RAB6A: variants seen among roughly 807,000 people sequenced by gnomAD.
The protein encoded by RAB6A is RAB6A, member RAS oncogene family.
Under a neutral mutation model 32.3 loss-of-function variants are expected in RAB6A, and 8 were observed. The observed-to-expected ratio is 0.25, with a 90% confidence interval of 0.15 to 0.45. The LOEUF is 0.45. RAB6A is among the 20% of genes least tolerant of loss of function. The pLI, the probability that RAB6A is intolerant of heterozygous loss-of-function variation, is 1.00. For synonymous variants in RAB6A, 73 were observed against 82.1 expected (o/e 0.89, Z 0.60); for missense variants, 104 against 249.4 (o/e 0.42, Z 3.93).
intron 1 of RAB6A, among the ~76,000 whole-genome samples, chr11:73,739,301 ATAT>A (rs1565374209): frequency 2.1e-5 from 2 of 95,452 alleles, no homozygotes; most frequent in African/African-American, 7.2e-5. Context: ...ATATATATAT[ATAT>A]AAATACTGGA....
chr11:73,707,305 T>C (rs1945862804), intron 6 of RAB6A, 115 bp downstream of exon 6: 1 of 673,788 alleles, frequency 1.5e-6, no homozygotes, highest in East Asian at 2.6e-5. Flanking sequence ...GAAAATATAC[T>C]GCTAGTTTGT....
intron 6 of RAB6A, among the ~76,000 whole-genome samples, chr11:73,699,537 C>T (rs1328651688): frequency 6.6e-6 from 1 of 151,312 alleles, no homozygotes; most frequent in Non-Finnish European, 1.5e-5. Context: ...CCTCCCAACT[C>T]AGGCTCAGAG....
chr11:73,684,002 C>T (rs1390617345), intron 6 of RAB6A, among the ~76,000 whole-genome samples: 3 of 152,170 alleles, frequency 2.0e-5, no homozygotes, highest in Non-Finnish European at 4.4e-5. Context: ...ATTGCCACAG[C>T]CACTCTAGCC....
intron 2 of RAB6A, among the ~76,000 whole-genome samples, chr11:73,727,431 A>G (rs1036036603): frequency 9.8e-5 from 13 of 132,844 alleles, no homozygotes; most frequent in Non-Finnish European, 1.5e-4. Context: ...ATCTCTTGGA[A>G]AAAAAAAAAA....
rs1179162115 is a variant in RAB6A, at chr11:73,677,483, G to C, written c.*415C>G. 3.2e-6 allele frequency: 1 copy of C among 310,482 alleles called. No individual in the cohort carries two copies. Among genetic ancestry groups the C allele is most frequent in the African/African-American group, 2.2e-5 (1 of 45,490 alleles). The allele number at this position is 310,482 out of a possible 1,614,324, so 19.2% of individuals were successfully genotyped here. A position where few individuals can be genotyped will look rare whatever the true frequency, so the allele number is the denominator to read the frequency against. On this transcript the variant is annotated 3_prime_UTR_variant, in exon 8 of 8. Coordinates refer to ENST00000336083, the MANE Select transcript of RAB6A (RefSeq NM_198896.2). ...GAGGCTAGGTAAGAATAGGGTAATA[G>C]GGAATGGGGGTAAGTGAGAGGTGAG...
rs767652274 is a variant in RAB6A, at chr11:73,684,503, T to G, written c.496-4783A>C. Among the ~76,000 whole-genome samples, 48 of 152,346 alleles carry G rather than the reference T, an allele frequency of 3.2e-4. No individual in the cohort carries two copies. In the Middle Eastern group the frequency reaches 0.01, roughly 32 times the overall value. On this transcript the variant is annotated intron_variant, in intron 6 of 7. Coordinates refer to ENST00000336083, the MANE Select transcript of RAB6A (RefSeq NM_198896.2). ...CATTGTTTTTACAGACATAATGCTA[T>G]TAATAGAGTACAGTATAGTATAAAC... is the stretch of plus-strand genomic sequence containing the variant.
rs117844920 is a variant in RAB6A, at chr11:73,731,258, A to G, written c.71-435T>C. 9.1e-3 allele frequency among the ~76,000 whole-genome samples: 1,378 copies of G among 152,222 alleles called. 15 individuals carry two copies. The highest frequency in any genetic ancestry group is 0.034 in the Middle Eastern group (10 of 292). ...AACTACACTGTTTTAAGAGTGAGAA[A>G]AACTGGCCAGGTGCGATGGTTCACG... On this transcript the variant is annotated intron_variant, in intron 1 of 7. Transcript: ENST00000336083.
At chr11:73,753,706 G>A (rs990090574) in intron 1 of RAB6A, among the ~76,000 whole-genome samples, 4 of 149,532 alleles carry the variant, frequency 2.7e-5, no homozygotes, top group African/African-American at 7.3e-5. Flanking sequence ...GCGAGATTCC[G>A]TCTGAAAAAA....
At chr11:73,740,067 G>GAAAAAAAAAAAAAAAAAAAAA in intron 1 of RAB6A, among the ~76,000 whole-genome samples, 1 of 88,120 alleles carries the variant, frequency 1.1e-5, no homozygotes, top group Admixed American at 1.2e-4. Flanking sequence ...TCAAAAAAAA[G>GAAAAAAAAAAAAAAAAAAAAA]AAAAAAAAAA....
At chr11:73,752,052 C>T (rs138933045) in intron 1 of RAB6A, among the ~76,000 whole-genome samples, 15 of 152,212 alleles carry the variant, frequency 9.9e-5, no homozygotes, top group African/African-American at 3.4e-4. Flanking sequence ...GAAACTAAAA[C>T]AAGCAGAGAT....
intron 6 of RAB6A, among the ~76,000 whole-genome samples, chr11:73,698,807 C>T (rs1261739061): frequency 6.6e-6 from 1 of 151,062 alleles, no homozygotes; most frequent in Non-Finnish European, 1.5e-5. Flanking sequence ...GTTACCTATC[C>T]AAATCAAGTA....
intron 6 of RAB6A, among the ~76,000 whole-genome samples, chr11:73,698,385 T>C (rs1945686987): frequency 1.3e-5 from 2 of 152,218 alleles, no homozygotes; most frequent in African/African-American, 4.8e-5. Context: ...GTTTAAGTTA[T>C]AATCTTAAGC....
At position 73,676,695 on chromosome 11, in the gene RAB6A, T is replaced by C. The variant is rs1157827874; in HGVS notation, c.*1203A>G. 5 of 167,112 alleles carry C rather than the reference T, an allele frequency of 3.0e-5. No homozygotes were observed. Among genetic ancestry groups the C allele is most frequent in the African/African-American group, 7.2e-5 (3 of 41,464 alleles). 10.4% of individuals were successfully genotyped at this position (167,112 alleles called of 1,614,324 possible). On this transcript the variant is annotated 3_prime_UTR_variant, in exon 8 of 8. Transcript: ENST00000336083. ...TCCATTCTCTCCTTTCCCTCTACTA[T>C]GTATGCTTTACCTGATCTGCCTCTA...
At chr11:73,752,120 A>G (rs1156576434) in intron 1 of RAB6A, among the ~76,000 whole-genome samples, 1 of 152,244 alleles carries the variant, frequency 6.6e-6, no homozygotes, top group Non-Finnish European at 1.5e-5. Flanking sequence ...TATCTTATTA[A>G]CATCTTCAAA....
intron 1 of RAB6A, among the ~76,000 whole-genome samples, chr11:73,739,263 T>TTTAAAAAAAA (rs1555066890): frequency 1.1e-4 from 1 of 9,378 alleles, no homozygotes; most frequent in Non-Finnish European, 1.9e-4. Flanking sequence ...TAATAATAAT[T>TTTAAAAAAAA]AAAAAAAAAA....
At chr11:73,755,514 A>T (rs1946733795) in intron 1 of RAB6A, among the ~76,000 whole-genome samples, 1 of 152,166 alleles carries the variant, frequency 6.6e-6, no homozygotes, top group Non-Finnish European at 1.5e-5. Flanking sequence ...GCTGGTCTCG[A>T]ACCCCTGACC....
chr11:73,682,182 G>A (rs1347236563), intron 6 of RAB6A, among the ~76,000 whole-genome samples: 1 of 152,120 alleles, frequency 6.6e-6, no homozygotes, highest in Non-Finnish European at 1.5e-5. Context: ...TTCTAGCTGA[G>A]TGTGGCGACA....
intron 1 of RAB6A, among the ~76,000 whole-genome samples, chr11:73,733,558 AAAAAATAAATAAAT>A (rs368311263): frequency 3.1e-4 from 43 of 140,394 alleles, no homozygotes; most frequent in South Asian, 2.8e-3. Flanking sequence ...CTCAAAAAAA[AAAAAATAAATAAAT>A]AAAAATAAAT....
intron 6 of RAB6A, among the ~76,000 whole-genome samples, chr11:73,690,811 A>T (rs1220754659): frequency 6.6e-6 from 1 of 151,304 alleles, no homozygotes; most frequent in Non-Finnish European, 1.5e-5. Context: ...CAGGGAAGCT[A>T]AGTGTCTCTG....
Sources: allele counts gnomAD v4.1 joint callset (sites outside exome capture counted in the v4.1 genomes callset), GRCh38; gene constraint gnomAD v4.1.1; transcripts MANE v1.5; gene names NCBI Gene and HGNC (gene_info 2026-07-23, HGNC 2026-07-21).